Variants in ZFYVE28 observed in about 807,000 individuals in gnomAD.
The protein encoded by ZFYVE28 is lateral signaling target protein 2 homolog.
In ZFYVE28, 40 loss-of-function variants were observed where a neutral mutation model predicts 82.1. That is an observed-to-expected ratio of 0.49 (90% CI 0.38 to 0.63). ZFYVE28 has a LOEUF of 0.63. ZFYVE28 is among the 30% of genes least tolerant of loss of function. ZFYVE28 has a pLI of 0.00. For missense variants in ZFYVE28, 1,321 were observed against 1,242.1 expected (o/e 1.06, Z -0.96); for synonymous variants, 612 against 546.1 (o/e 1.12, Z -1.68).
chr4:2,404,309 CAAAAAA>C (rs55924862), intron 1 of ZFYVE28, among the ~76,000 whole-genome samples: 19 of 66,530 alleles, frequency 2.9e-4, no homozygotes, highest in Non-Finnish European at 4.6e-4. Context: ...GACTCCGCCT[CAAAAAA>C]AAAAAAAAAA....
intron 10 of ZFYVE28, among the ~76,000 whole-genome samples, chr4:2,272,211 G>T (rs2108797143): frequency 6.6e-6 from 1 of 152,264 alleles, no homozygotes; most frequent in African/African-American, 2.4e-5. Context: ...GCAGAGCTGG[G>T]TCGGCACATG....
Position 2,305,386 on chromosome 4 carries a change from C to T in ZFYVE28, c.954G>A (p.Gly318=). The T allele has an allele frequency of 6.2e-7, 1 of 1,612,644 alleles. No individual in the cohort carries two copies. The highest frequency in any genetic ancestry group is 1.7e-4 in the Middle Eastern group (1 of 6,060). ...GGTCTTTGGCCTTAGCTGAGAGTGG[C>T]CCCTCAGGGGGGAGAGGGGCAGAGA... ...PALSAPLPPE[G]PLSAKAKDPD... The change falls in exon 8 of 13, where the codon GGG becomes GGA. Residue 318 remains glycine, a synonymous_variant. Coordinates refer to ENST00000290974, the MANE Select transcript of ZFYVE28 (RefSeq NM_020972.3).
Position 2,304,920 on chromosome 4 carries a change from C to A in ZFYVE28, c.1420G>T (p.Ala474Ser), listed in dbSNP as rs563458821. ...EAEGTDGASL[A>S]GTSSCSCLDS... The stretch of plus-strand genomic sequence containing the variant: ...AGGCAGCTGCAGGAGCTGGTGCCCG[C>A]GAGGCTGGCCCCATCTGTGCCCTCG... The change falls in exon 8 of 13, where the codon GCG becomes TCG. Residue 474 changes from alanine (A) to serine (S), a missense_variant. Transcript: ENST00000290974. 1 of 1,612,676 alleles carries A rather than the reference C, an allele frequency of 6.2e-7. No individual in the cohort carries two copies. The highest frequency in any genetic ancestry group is 1.1e-5 in the South Asian group (1 of 91,090).
intron 1 of ZFYVE28, among the ~76,000 whole-genome samples, chr4:2,359,887 C>T (rs1210184840): frequency 6.6e-6 from 1 of 152,166 alleles, no homozygotes; most frequent in Non-Finnish European, 1.5e-5. Context: ...GCCTGTACAA[C>T]TCTGAGGAAG....
intron 1 of ZFYVE28, among the ~76,000 whole-genome samples, chr4:2,359,154 T>G (rs868344766): frequency 6.6e-6 from 1 of 151,620 alleles, no homozygotes; most frequent in Admixed American, 6.6e-5. Context: ...TTTTTTTTTT[T>G]GTATTTTTAG....
intron 7 of ZFYVE28, among the ~76,000 whole-genome samples, chr4:2,319,810 G>A (rs981868664): frequency 1.5e-4 from 22 of 148,880 alleles, no homozygotes; most frequent in South Asian, 2.1e-4. Flanking sequence ...CGGTGGGGAC[G>A]GTGGGGATGG....
At position 2,284,889 on chromosome 4, in the gene ZFYVE28, C is replaced by T. The variant is rs1347367105; in HGVS notation, c.2052-10673G>A. Among the ~76,000 whole-genome samples, 2 of 152,192 alleles carry T rather than the reference C, an allele frequency of 1.3e-5. 1 individual carries two copies. The highest frequency in any genetic ancestry group is 1.3e-4 in the Admixed American group (2 of 15,280). On this transcript the variant is annotated intron_variant, in intron 8 of 12. Transcript: ENST00000290974. ...GGCAGGTGCCCTGAGTCTAGTACGG[C>T]AAGGATTTAGCAGGGAGGCGCGAGT...
intron 8 of ZFYVE28, among the ~76,000 whole-genome samples, chr4:2,295,312 C>T (rs1714372815): frequency 6.6e-6 from 1 of 151,680 alleles, no homozygotes; most frequent in Non-Finnish European, 1.5e-5. Flanking sequence ...CAGGCACCTG[C>T]CATAATGCCC....
At chr4:2,414,728 A>G (rs1260793178) in intron 1 of ZFYVE28, among the ~76,000 whole-genome samples, 1 of 152,202 alleles carries the variant, frequency 6.6e-6, no homozygotes, top group Non-Finnish European at 1.5e-5. Flanking sequence ...GGTCCAGGTA[A>G]GTGTCCAGGT....
rs908393377 is a variant in ZFYVE28 at position 2,372,661 on chromosome 4, G to A, written c.40-18588C>T. On this transcript the variant is annotated intron_variant, in intron 1 of 12. Coordinates refer to ENST00000290974, the MANE Select transcript of ZFYVE28 (RefSeq NM_020972.3). The surrounding 1 kb of genome is among the most constrained non-coding windows in gnomAD (Gnocchi z 5.2). ...TGAGGGAGGGCCTGCGGCTGGGCACGGGTGGGCACTGGCTGTCACTCCCTC... is the reference window on the plus strand; with the variant it reads ...TGAGGGAGGGCCTGCGGCTGGGCACAGGTGGGCACTGGCTGTCACTCCCTC... Among the ~76,000 whole-genome samples, 2 of 152,250 alleles carry A rather than the reference G, an allele frequency of 1.3e-5. No individual in the cohort carries two copies. Among genetic ancestry groups the A allele is most frequent in the East Asian group, 3.9e-4 (2 of 5,176 alleles).
intron 1 of ZFYVE28, among the ~76,000 whole-genome samples, chr4:2,392,943 G>C (rs954165755): frequency 1.3e-5 from 2 of 152,214 alleles, no homozygotes; most frequent in African/African-American, 4.8e-5. Flanking sequence ...ATCGACCCTG[G>C]CTGGAATTAC....
At position 2,409,389 on chromosome 4, in the gene ZFYVE28, C is replaced by T. The variant is rs1732272978; in HGVS notation, c.39+8896G>A. Among the ~76,000 whole-genome samples, 1 of 152,162 alleles carries T rather than the reference C, an allele frequency of 6.6e-6. No individual in the cohort carries two copies. ...TGGAAGGACCCCGCAAACAGCAGTG[C>T]TGACCCCATCATGCCCCCACCTTCC... On this transcript the variant is annotated intron_variant, in intron 1 of 12. Transcript: ENST00000290974. The surrounding 1 kb of genome is among the most constrained non-coding windows in gnomAD (Gnocchi z 4.4).
In ZFYVE28 at chr4:2,332,176, G is replaced by A. The variant is rs934052443; in HGVS notation, c.701+3529C>T. On this transcript the variant is annotated intron_variant, in intron 6 of 12. Coordinates refer to ENST00000290974, the MANE Select transcript of ZFYVE28 (RefSeq NM_020972.3). This position sits in a 1 kb window ranked among gnomAD's most constrained non-coding sequence, Gnocchi z 4.7. ...GAGCTCCACCCTCAGCTCCTGCCCCGCTCAGCACCCCTGCCTCCCCTCTGC... is the reference window on the plus strand; with the variant it reads ...GAGCTCCACCCTCAGCTCCTGCCCCACTCAGCACCCCTGCCTCCCCTCTGC... Among the ~76,000 whole-genome samples, 6 of 152,104 alleles carry A rather than the reference G, an allele frequency of 3.9e-5. No individual in the cohort carries two copies. Among genetic ancestry groups the A allele is most frequent in the African/African-American group, 1.2e-4 (5 of 41,416 alleles).
intron 1 of ZFYVE28, among the ~76,000 whole-genome samples, chr4:2,365,915 C>A (rs1726833316): frequency 1.3e-5 from 2 of 152,240 alleles, no homozygotes; most frequent in African/African-American, 4.8e-5. Context: ...CCTCTACCTA[C>A]AGGAGGGGTG....
At chr4:2,386,725 C>T (rs1729293518) in intron 1 of ZFYVE28, among the ~76,000 whole-genome samples, 1 of 152,246 alleles carries the variant, frequency 6.6e-6, no homozygotes, top group Admixed American at 6.5e-5. Flanking sequence ...TCTCAGCCTC[C>T]AGGACTGTAA....
At chr4:2,399,046 G>GCACAAGCGTGGAGGTGAGATCCAGGC (rs1324154102) in intron 1 of ZFYVE28, among the ~76,000 whole-genome samples, 1 of 142,700 alleles carries the variant, frequency 7.0e-6, no homozygotes, top group Non-Finnish European at 1.5e-5. Flanking sequence ...GAGATCCAGG[G>GCACAAGCGTGGAGGTGAGATCCAGGC]CACAAGCGTG....
intron 1 of ZFYVE28, among the ~76,000 whole-genome samples, chr4:2,385,771 G>A (rs3135099): frequency 1.3e-5 from 2 of 152,004 alleles, no homozygotes; most frequent in Non-Finnish European, 2.9e-5. Context: ...TTCACAAGGC[G>A]GGACTTGACA....
Position 2,270,692 on chromosome 4 carries a change from C to A in ZFYVE28, c.*33G>T, listed in dbSNP as rs376414970. On this transcript the variant is annotated 3_prime_UTR_variant, in exon 13 of 13. Coordinates refer to ENST00000290974, the MANE Select transcript of ZFYVE28 (RefSeq NM_020972.3). Reference sequence around the variant, plus strand: ...GCCCCACCTTCCTGGGGGTTCCTGGCCCGGGTGGGTTGGGGCTGCCCCTGG... The same window carrying A: ...GCCCCACCTTCCTGGGGGTTCCTGGACCGGGTGGGTTGGGGCTGCCCCTGG... 1 of 1,611,882 alleles carries A rather than the reference C, an allele frequency of 6.2e-7. No individual in the cohort carries two copies. Among genetic ancestry groups the A allele is most frequent in the Non-Finnish European group, 8.5e-7 (1 of 1,179,410 alleles).
chr4:2,296,888 C>A (rs1473436271), intron 8 of ZFYVE28, among the ~76,000 whole-genome samples: 2 of 152,198 alleles, frequency 1.3e-5, no homozygotes, highest in African/African-American at 4.8e-5. Flanking sequence ...TACCTGGAGG[C>A]TGCCTGTGTC....
Sources: gnomAD v4.1 joint callset for allele counts (sites outside exome capture counted in the v4.1 genomes callset) on GRCh38, gnomAD v4.1.1 for gene constraint, Gnocchi (gnomAD v3.1) non-coding constraint, MANE v1.5 for transcripts, NCBI Gene and HGNC (gene_info 2026-07-23, HGNC 2026-07-21) for gene names.